NADK2: variants seen among roughly 807,000 people sequenced by gnomAD.
NADK2 encodes the protein NAD kinase 2, mitochondrial.
Under a neutral mutation model 62.1 loss-of-function variants are expected in NADK2, and 35 were observed. That is an observed-to-expected ratio of 0.56 (90% confidence interval 0.43 to 0.75). The LOEUF is 0.75. Among genes scored for constraint, NADK2 ranks in the 30% least tolerant of loss-of-function variants. The pLI is 0.00. For synonymous variants in NADK2, 205 were observed against 207.9 expected (o/e 0.99, Z 0.12); for missense variants, 439 against 561.3 (o/e 0.78, Z 2.20).
chr5:36,204,301 G>T (rs1746555279), intron 8 of NADK2, among the ~76,000 whole-genome samples: 1 of 152,100 alleles, frequency 6.6e-6, no homozygotes, highest in African/African-American at 2.4e-5. Flanking sequence ...CCTGCATTTG[G>T]CAGGCAAGGG....
chr5:36,197,148 A>C (rs1746260018), intron 11 of NADK2, among the ~76,000 whole-genome samples: 2 of 152,050 alleles, frequency 1.3e-5, no homozygotes, highest in African/African-American at 4.8e-5. Flanking sequence ...ACTATTCTAA[A>C]GGTTTATTGC....
In NADK2 at chr5:36,241,867, C is replaced by G; in HGVS notation, c.-69G>C. The G allele has an allele frequency of 9.0e-7, 1 of 1,112,640 alleles. No individual in the cohort carries two copies. Among genetic ancestry groups the G allele is most frequent in the Non-Finnish European group, 1.1e-6 (1 of 906,952 alleles). 68.9% of individuals were successfully genotyped at this position (1,112,640 alleles called of 1,614,324 possible). A position where few individuals can be genotyped will look rare whatever the true frequency, so the allele number is the denominator to read the frequency against. ...CCTCAGCTCCCTACCGCCGGGAGTGCGCGCCGTCCGCGCCGCCCGGGCCTC... is the reference window on the plus strand; with the variant it reads ...CCTCAGCTCCCTACCGCCGGGAGTGGGCGCCGTCCGCGCCGCCCGGGCCTC... On this transcript the variant is annotated 5_prime_UTR_variant, in exon 1 of 12. Coordinates refer to ENST00000381937, the MANE Select transcript of NADK2 (RefSeq NM_001085411.3). The surrounding 1 kb of genome is among the most constrained non-coding windows in gnomAD (Gnocchi z 4.9).
Position 36,241,435 on chromosome 5 carries a change from G to A in NADK2, c.300+64C>T, listed in dbSNP as rs1310924528. ...TCGTCCCGAGAGGTCCCCCCGAGGG[G>A]GCGCAGCCGCCACCAGAGCCCCGGC... On this transcript the variant is annotated intron_variant, in intron 1 of 11. Coordinates refer to ENST00000381937, the MANE Select transcript of NADK2 (RefSeq NM_001085411.3). This position sits in a 1 kb window ranked among gnomAD's most constrained non-coding sequence, Gnocchi z 4.9. The A allele has an allele frequency of 6.1e-6, 9 of 1,466,874 alleles. No individual in the cohort carries two copies. The highest frequency in any genetic ancestry group is 2.9e-5 in the East Asian group (1 of 34,740). 90.9% of individuals were successfully genotyped at this position (1,466,874 alleles called of 1,614,324 possible).
At chr5:36,203,972 T>G (rs10941278) in intron 8 of NADK2, among the ~76,000 whole-genome samples, 53,087 of 151,984 alleles carry the variant, frequency 0.35, 9,567 homozygotes, top group South Asian at 0.49. Flanking sequence ...CAAGTAGTAA[T>G]GACAGTGAAA....
chr5:36,194,972 G>T lies in NADK2; in HGVS notation c.*172C>A. 1.6e-6 allele frequency: 1 copy of T among 615,176 alleles called. No individual in the cohort carries two copies. Among genetic ancestry groups the T allele is most frequent in the Non-Finnish European group, 2.6e-6 (1 of 377,508 alleles). The allele number at this position is 615,176 out of a possible 1,614,324, so 38.1% of individuals were successfully genotyped here. On this transcript the variant is annotated 3_prime_UTR_variant, in exon 12 of 12. Transcript: ENST00000381937. ...CAGTCCATCCATTTTCTTATACAGT[G>T]AATGTCTTTTTTTCTATCAGAATCC... is the stretch of plus-strand genomic sequence containing the variant.
intron 7 of NADK2, 147 bp from the exon 8 acceptor site, chr5:36,207,412 C>A: frequency 3.9e-6 from 2 of 510,594 alleles, no homozygotes; most frequent in Non-Finnish European, 6.8e-6. Context: ...GATGCTAATT[C>A]CAATACTGAT....
At chr5:36,232,710 C>G (rs1381681596) in intron 1 of NADK2, among the ~76,000 whole-genome samples, 2 of 152,046 alleles carry the variant, frequency 1.3e-5, no homozygotes, top group Non-Finnish European at 2.9e-5. Context: ...TTCTGTTGAC[C>G]TCCTCCCTTG....
chr5:36,211,973 G>A, intron 6 of NADK2, 51 bp from the exon 7 acceptor site: 1 of 1,384,344 alleles, frequency 7.2e-7, no homozygotes, highest in East Asian at 2.3e-5. Context: ...TTGATTTCTA[G>A]AAATGTTATA....
chr5:36,204,853 C>T (rs1579602509), intron 8 of NADK2, among the ~76,000 whole-genome samples: 1 of 151,798 alleles, frequency 6.6e-6, no homozygotes, highest in East Asian at 1.9e-4. Flanking sequence ...CAAGATTGGG[C>T]ATGTGTTGAT....
chr5:36,235,260 C>T, intron 1 of NADK2, among the ~76,000 whole-genome samples: 1 of 152,042 alleles, frequency 6.6e-6, no homozygotes, highest in East Asian at 1.9e-4. Context: ...TTTTAGTTCA[C>T]TTAAGTGATC....
rs1236775543 is a variant in NADK2 at position 36,241,649 on chromosome 5, C to A, written c.150G>T (p.Gly50=). Residue 50 remains glycine, a synonymous_variant, in exon 1 of 12, where the codon GGG becomes GGT. Coordinates refer to ENST00000381937, the MANE Select transcript of NADK2 (RefSeq NM_001085411.3). The surrounding 1 kb of genome is among the most constrained non-coding windows in gnomAD (Gnocchi z 4.9). Reference sequence around the variant, plus strand: ...CACAGCCCGCCAGCTCGCGCGGCTGCCCCTGCCCCAGGTGCCGCCGGCCGC... The same window carrying A: ...CACAGCCCGCCAGCTCGCGCGGCTGACCCTGCCCCAGGTGCCGCCGGCCGC... The part of the protein sequence containing the change: ...DGGGRRHLGQ[G]QPRELAGCGS... The A allele has an allele frequency of 5.3e-6, 7 of 1,314,798 alleles. No individual in the cohort carries two copies. The Admixed American group carries it at 2.7e-4, about 50-fold the overall frequency. 81.4% of individuals were successfully genotyped at this position (1,314,798 alleles called of 1,614,324 possible).
At chr5:36,225,757 T>C (rs570225867) in intron 3 of NADK2, 134 bp from the exon 4 acceptor site, 66 of 641,628 alleles carry the variant, frequency 1.0e-4, no homozygotes, top group South Asian at 1.6e-4. Flanking sequence ...CCCACTCCCT[T>C]TCTACCTATT....
At chr5:36,228,423 C>A (rs1295883623) in intron 1 of NADK2, among the ~76,000 whole-genome samples, 1 of 151,928 alleles carries the variant, frequency 6.6e-6, no homozygotes, top group Non-Finnish European at 1.5e-5. Context: ...CTTTCCTTTC[C>A]CTTTTTCTTT....
intron 4 of NADK2, among the ~76,000 whole-genome samples, chr5:36,225,253 A>G (rs1257767183): frequency 6.6e-6 from 1 of 152,238 alleles, no homozygotes; most frequent in Non-Finnish European, 1.5e-5. Flanking sequence ...TCAGTTCTAC[A>G]TACCTAAATT....
intron 1 of NADK2, among the ~76,000 whole-genome samples, chr5:36,235,481 T>A (rs1747869307): frequency 6.6e-6 from 1 of 152,312 alleles, no homozygotes; most frequent in African/African-American, 2.4e-5. Context: ...ACTATAAATA[T>A]TTCAAAGCCA....
rs768944075 is a variant in NADK2, at chr5:36,226,573, A to G, written c.390-10T>C. 1 of 1,596,916 alleles carries G rather than the reference A, an allele frequency of 6.3e-7. No homozygotes were observed. Among genetic ancestry groups the G allele is most frequent in the Non-Finnish European group, 8.6e-7 (1 of 1,165,870 alleles). ...CTCAATTCCCTCATTCCTAGGATAAAAAAGGAAAGGTTATATGAAATTTCC... is the reference window on the plus strand; with the variant it reads ...CTCAATTCCCTCATTCCTAGGATAAGAAAGGAAAGGTTATATGAAATTTCC... On this transcript the variant is annotated splice_polypyrimidine_tract_variant and intron_variant, in intron 2 of 11. Coordinates refer to ENST00000381937, the MANE Select transcript of NADK2 (RefSeq NM_001085411.3).
chr5:36,201,662 T>C (rs192484395), intron 8 of NADK2, among the ~76,000 whole-genome samples: 171 of 152,102 alleles, frequency 1.1e-3, no homozygotes, highest in African/African-American at 3.9e-3. Context: ...TGTTGTTTCA[T>C]TTTAAAAACA....
chr5:36,195,256 T>G lies in NADK2; in HGVS notation c.1217A>C (p.Asp406Ala), dbSNP rs1746188034. 6.2e-7 allele frequency: 1 copy of G among 1,611,326 alleles called. No homozygotes were observed. Among genetic ancestry groups the G allele is most frequent in the Non-Finnish European group, 8.5e-7 (1 of 1,179,014 alleles). The change falls in exon 12 of 12, where the codon GAT becomes GCT. Residue 406 changes from aspartate to alanine, a missense_variant. Asp to Ala is a moderately radical substitution (Grantham distance 126, BLOSUM62 -2). Transcript: ENST00000381937. ...TCCTCCATCCACAACCATACAGGCA[T>G]CCCAACAACGAGAACGAACACAAAC... ...SKVCVRSRCW[D>A]ACMVVDGGTS...
At chr5:36,227,598 A>G in intron 1 of NADK2, 33 bp from the exon 2 acceptor site, 2 of 1,220,162 alleles carry the variant, frequency 1.6e-6, no homozygotes, top group Non-Finnish European at 2.3e-6. Context: ...TTGTTTTACT[A>G]ATATATATTA....
Sources: gnomAD v4.1 joint callset for allele counts (sites outside exome capture counted in the v4.1 genomes callset) on GRCh38, gnomAD v4.1.1 for gene constraint, Gnocchi (gnomAD v3.1) non-coding constraint, MANE v1.5 for transcripts, NCBI Gene and HGNC (gene_info 2026-07-23, HGNC 2026-07-21) for gene names.